PPFIA2: variants seen among roughly 807,000 people sequenced by gnomAD.
PPFIA2 encodes PPFI scaffold protein A2.
In PPFIA2, 46 loss-of-function variants were observed where a neutral mutation model predicts 175.5. The observed-to-expected ratio is 0.26, with a 90% CI of 0.21 to 0.34. PPFIA2 has a LOEUF of 0.34. Among genes scored for constraint, PPFIA2 ranks in the 10% least tolerant of loss-of-function variants. PPFIA2 has a pLI of 1.00. For synonymous variants in PPFIA2, 568 were observed against 511.4 expected (o/e 1.11, Z -1.49); for missense variants, 1,179 against 1,506.1 (o/e 0.78, Z 3.60).
chr12:81,735,346 A>G (rs1467610192), intron 3 of PPFIA2, among the ~76,000 whole-genome samples: 2 of 151,802 alleles, frequency 1.3e-5, no homozygotes, highest in Non-Finnish European at 2.9e-5. Context: ...CCTAATGACT[A>G]CAGAGATTGA....
At chr12:81,498,119 C>G (rs938910410) in intron 4 of PPFIA2, among the ~76,000 whole-genome samples, 1 of 152,056 alleles carries the variant, frequency 6.6e-6, no homozygotes, top group Non-Finnish European at 1.5e-5. Context: ...ATTTTTTTCT[C>G]AAATTTAGTT....
chr12:81,543,057 G>A (rs529865481), intron 4 of PPFIA2, among the ~76,000 whole-genome samples: 2 of 152,270 alleles, frequency 1.3e-5, no homozygotes, highest in South Asian at 4.1e-4. Flanking sequence ...CTCCATGTCT[G>A]CAGTTGCCTT....
chr12:81,343,572 A>C (rs1921042), intron 19 of PPFIA2, among the ~76,000 whole-genome samples: 2 of 151,928 alleles, frequency 1.3e-5, no homozygotes, highest in Non-Finnish European at 1.5e-5. Context: ...GAGTGTTCCA[A>C]TGTTTGGGTG....
At chr12:81,596,454 A>T in intron 4 of PPFIA2, among the ~76,000 whole-genome samples, 1 of 152,128 alleles carries the variant, frequency 6.6e-6, no homozygotes, top group Non-Finnish European at 1.5e-5. Context: ...TCTTATCTTA[A>T]TTCCTACGGT....
At chr12:81,463,757 T>C (rs1443091629) in intron 4 of PPFIA2, among the ~76,000 whole-genome samples, 1 of 152,148 alleles carries the variant, frequency 6.6e-6, no homozygotes, top group Admixed American at 6.6e-5. Context: ...TCATTCAAAC[T>C]ACTTTTCTCT....
chr12:81,581,484 C>G (rs1380124476), intron 4 of PPFIA2, among the ~76,000 whole-genome samples: 1 of 151,696 alleles, frequency 6.6e-6, no homozygotes, highest in African/African-American at 2.4e-5. Flanking sequence ...CTCTGTGAGG[C>G]CTCTCCTCCC....
rs578145685 is a variant in PPFIA2 at position 81,734,579 on chromosome 12, G to A, written c.249+19394C>T. ...TAAAATCAAAATTTCCAGAGAAGAT[G>A]TCATTGTCAACAAGCACTTTGAGCA... On this transcript the variant is annotated intron_variant, in intron 3 of 32. Transcript: ENST00000549396. Among the ~76,000 whole-genome samples the A allele has an allele frequency of 5.9e-5, 9 of 151,912 alleles. 1 individual carries two copies. In the South Asian group the frequency reaches 1.9e-3, roughly 31 times the overall value.
intron 3 of PPFIA2, among the ~76,000 whole-genome samples, chr12:81,727,831 C>G (rs2080294756): frequency 6.6e-6 from 1 of 151,320 alleles, no homozygotes; most frequent in Non-Finnish European, 1.5e-5. Flanking sequence ...CTGAGTATGT[C>G]TGAATCTCCA....
chr12:81,595,482 G>A (rs997709296), intron 4 of PPFIA2, among the ~76,000 whole-genome samples: 3 of 152,022 alleles, frequency 2.0e-5, no homozygotes, highest in African/African-American at 7.2e-5. Flanking sequence ...TGCAAATTGA[G>A]TGCTGGCATC....
Position 81,731,830 on chromosome 12 carries a change from T to A in PPFIA2, c.249+22143A>T, listed in dbSNP as rs370616198. ...CATAGAATGGTGGTTCAGATTAAGT[T>A]TGTTATATATGTAAAGTCCTTAAAA... On this transcript the variant is annotated intron_variant, in intron 3 of 32. Coordinates refer to ENST00000549396, the MANE Select transcript of PPFIA2 (RefSeq NM_003625.5). Among the ~76,000 whole-genome samples, 123 of 151,748 alleles carry A rather than the reference T, an allele frequency of 8.1e-4. 1 individual carries two copies. Among genetic ancestry groups the A allele is most frequent in the African/African-American group, 2.8e-3 (118 of 41,470 alleles).
intron 4 of PPFIA2, among the ~76,000 whole-genome samples, chr12:81,515,868 T>G (rs1458525742): frequency 6.6e-6 from 1 of 152,002 alleles, no homozygotes; most frequent in Non-Finnish European, 1.5e-5. Context: ...CTCTTTTCTC[T>G]CTTTTCTCAC....
chr12:81,498,506 T>A (rs2060258206), intron 4 of PPFIA2, among the ~76,000 whole-genome samples: 1 of 152,236 alleles, frequency 6.6e-6, no homozygotes, highest in African/African-American at 2.4e-5. Context: ...TGATTACTCA[T>A]GATTACACTG....
At chr12:81,339,098 T>A (rs1210351215) in intron 21 of PPFIA2, 82 bp downstream of exon 21, 2 of 1,190,338 alleles carry the variant, frequency 1.7e-6, no homozygotes, top group Non-Finnish European at 2.3e-6. Flanking sequence ...AGAAGAGCAA[T>A]GAAATGAAAT....
chr12:81,490,776 T>A (rs2059343023), intron 4 of PPFIA2, among the ~76,000 whole-genome samples: 2 of 151,976 alleles, frequency 1.3e-5, no homozygotes, highest in Non-Finnish European at 2.9e-5. Context: ...GTTTTTTGAC[T>A]GCTGTTTATG....
chr12:81,487,894 ATGTG>A (rs915420188), intron 4 of PPFIA2, among the ~76,000 whole-genome samples: 33 of 151,944 alleles, frequency 2.2e-4, no homozygotes, highest in African/African-American at 7.7e-4. Flanking sequence ...GTAATCTGAA[ATGTG>A]TGTGAGGACA....
At chr12:81,386,575 T>C (rs868214249) in intron 8 of PPFIA2, among the ~76,000 whole-genome samples, 1 of 151,598 alleles carries the variant, frequency 6.6e-6, no homozygotes, top group Non-Finnish European at 1.5e-5. Context: ...TGAGCCATGA[T>C]TGCATTAGCG....
intron 4 of PPFIA2, among the ~76,000 whole-genome samples, chr12:81,516,357 C>T (rs2062438951): frequency 6.6e-6 from 1 of 152,132 alleles, no homozygotes; most frequent in Admixed American, 6.6e-5. Context: ...AGTTACCAGA[C>T]ATTTCCAATT....
chr12:81,511,976 G>C (rs1166031788), intron 4 of PPFIA2, among the ~76,000 whole-genome samples: 2 of 151,704 alleles, frequency 1.3e-5, no homozygotes, highest in Non-Finnish European at 2.9e-5. Flanking sequence ...TAGGTTTCTT[G>C]TGCAGTTTAT....
At chr12:81,530,728 GAA>G (rs1339872283) in intron 4 of PPFIA2, among the ~76,000 whole-genome samples, 1 of 146,136 alleles carries the variant, frequency 6.8e-6, no homozygotes, top group Non-Finnish European at 1.5e-5. Flanking sequence ...TAAGCCCAGA[GAA>G]AATTGAGGAG....
Sources: gnomAD v4.1 joint callset for allele counts (sites outside exome capture counted in the v4.1 genomes callset) on GRCh38, gnomAD v4.1.1 for gene constraint, MANE v1.5 for transcripts, NCBI Gene and HGNC (gene_info 2026-07-23, HGNC 2026-07-21) for gene names.